The following C1QTNF7 variants were observed in gnomAD, a reference collection of about 807,000 sequenced individuals.
C1QTNF7 encodes the protein complement C1q tumor necrosis factor-related protein 7.
A neutral mutation model predicts 19.6 loss-of-function variants in C1QTNF7; 15 were observed. The ratio of observed to expected loss-of-function variants is 0.76; its 90% CI spans 0.51 to 1.18. The LOEUF (loss-of-function observed/expected upper bound fraction) is 1.18, where lower values mean the gene tolerates loss of function less well. C1QTNF7 is among the 50% of genes most tolerant of loss of function. The pLI is 0.00. For synonymous variants in C1QTNF7, 142 were observed against 137.5 expected (o/e 1.03, Z -0.23); for missense variants, 324 against 359.7 (o/e 0.90, Z 0.80).
intron 1 of C1QTNF7, among the ~76,000 whole-genome samples, chr4:15,343,972 A>T (rs1355040878): frequency 2.0e-5 from 3 of 152,202 alleles, no homozygotes; most frequent in Admixed American, 6.5e-5. Flanking sequence ...GGTCCATGTG[A>T]TTCTCTGTAT....
chr4:15,411,529 CATG>C (rs1423601163), intron 1 of C1QTNF7, among the ~76,000 whole-genome samples: 1 of 152,134 alleles, frequency 6.6e-6, no homozygotes, highest in Non-Finnish European at 1.5e-5. Flanking sequence ...TCTGACAGCC[CATG>C]GTCTCAATGT....
intron 1 of C1QTNF7, chr4:15,358,382 T>A (rs1717220579): frequency 6.6e-6 from 1 of 152,206 alleles, no homozygotes; most frequent in Non-Finnish European, 1.5e-5. Context: ...CATTTATTGA[T>A]TTGCATATGT....
chr4:15,418,414 T>C (rs1050270111), intron 1 of C1QTNF7, among the ~76,000 whole-genome samples: 1 of 152,186 alleles, frequency 6.6e-6, no homozygotes, highest in Non-Finnish European at 1.5e-5. Context: ...CATTTTGTCT[T>C]ATAAGTTCCA....
chr4:15,371,826 A>C (rs979643497), intron 1 of C1QTNF7, among the ~76,000 whole-genome samples: 5 of 152,154 alleles, frequency 3.3e-5, no homozygotes, highest in African/African-American at 1.2e-4. Flanking sequence ...TACAGCTGTC[A>C]ATCTAAGCTC....
chr4:15,381,609 A>T (rs1045770298), intron 1 of C1QTNF7, among the ~76,000 whole-genome samples: 2 of 152,154 alleles, frequency 1.3e-5, no homozygotes, highest in Non-Finnish European at 2.9e-5. Flanking sequence ...GGTTCTTCAT[A>T]TTTAAAATAA....
At chr4:15,398,865 C>T (rs1718882708) in intron 1 of C1QTNF7, among the ~76,000 whole-genome samples, 2 of 152,186 alleles carry the variant, frequency 1.3e-5, no homozygotes, top group Admixed American at 1.3e-4. Flanking sequence ...AAATCAAGTG[C>T]ATGACTCCAC....
intron 1 of C1QTNF7, chr4:15,361,057 G>A (rs1293593054): frequency 6.6e-6 from 1 of 152,064 alleles, no homozygotes; most frequent in Non-Finnish European, 1.5e-5. Flanking sequence ...ATAAGGAAAA[G>A]CAATTCTATT....
At chr4:15,398,449 G>A (rs1423084584) in intron 1 of C1QTNF7, among the ~76,000 whole-genome samples, 1 of 149,436 alleles carries the variant, frequency 6.7e-6, no homozygotes, top group East Asian at 2.0e-4. Flanking sequence ...TACTGTACAA[G>A]CCTTGTCCTC....
intron 1 of C1QTNF7, among the ~76,000 whole-genome samples, chr4:15,344,430 C>T: frequency 6.6e-6 from 1 of 152,144 alleles, no homozygotes; most frequent in South Asian, 2.1e-4. Flanking sequence ...AGTGGAGGTG[C>T]ACATTTGACC....
chr4:15,341,507 G>A (rs1716536466), intron 1 of C1QTNF7, among the ~76,000 whole-genome samples: 1 of 152,220 alleles, frequency 6.6e-6, no homozygotes, highest in African/African-American at 2.4e-5. Context: ...TCATTGCAGA[G>A]TGATCAGGAG....
intron 1 of C1QTNF7, among the ~76,000 whole-genome samples, chr4:15,385,173 C>G (rs1455549641): frequency 6.6e-6 from 1 of 152,178 alleles, no homozygotes; most frequent in African/African-American, 2.4e-5. Flanking sequence ...AAGCGCTCAC[C>G]AAGTACCTGG....
At chr4:15,374,848 G>A (rs1452736491) in intron 1 of C1QTNF7, 2 of 764,176 alleles carry the variant, frequency 2.6e-6, no homozygotes, top group African/African-American at 4.0e-5. Context: ...GGCTCATGTT[G>A]GTGTTTCTCT....
chr4:15,363,788 T>C lies in C1QTNF7; in HGVS notation c.13+23581T>C, dbSNP rs186154488. 3.5e-3 allele frequency among the ~76,000 whole-genome samples: 530 copies of C among 152,294 alleles called. 1 individual carries two copies. Among genetic ancestry groups the C allele is most frequent in the Non-Finnish European group, 5.6e-3 (384 of 68,004 alleles). On this transcript the variant is annotated intron_variant, in intron 1 of 2. Transcript: ENST00000295297. Reference sequence around the variant, plus strand: ...AGCCTGAAATGTGTTAGGCACAAACTAAGACAATATGAAGAAAGAAATGTC... The same window carrying C: ...AGCCTGAAATGTGTTAGGCACAAACCAAGACAATATGAAGAAAGAAATGTC...
At position 15,444,322 on chromosome 4, in the gene C1QTNF7, T is replaced by A. The variant is rs970857348; in HGVS notation, c.*1523T>A. The stretch of plus-strand genomic sequence containing the variant: ...TTTTTTTAATCTTCCCCAATTTAAA[T>A]TTTTTAATTTAAAAGTAAATTTTAC... On this transcript the variant is annotated 3_prime_UTR_variant, in exon 3 of 3. Transcript: ENST00000444304. The A allele has an allele frequency of 4.6e-5, 7 of 152,218 alleles. No individual in the cohort carries two copies. The highest frequency in any genetic ancestry group is 1.7e-4 in the African/African-American group (7 of 41,448). 9.4% of individuals were successfully genotyped at this position (152,218 alleles called of 1,614,324 possible). A position where few individuals can be genotyped will look rare whatever the true frequency, so the allele number is the denominator to read the frequency against.
intron 1 of C1QTNF7, among the ~76,000 whole-genome samples, chr4:15,381,507 AT>A (rs1718142166): frequency 6.6e-6 from 1 of 152,144 alleles, no homozygotes; most frequent in South Asian, 2.1e-4. Flanking sequence ...CCTGAAGTAG[AT>A]AAAATGGGAA....
At chr4:15,396,266 G>A (rs951128042) in intron 1 of C1QTNF7, among the ~76,000 whole-genome samples, 1 of 152,148 alleles carries the variant, frequency 6.6e-6, no homozygotes, top group Non-Finnish European at 1.5e-5. Context: ...AGGTGGGCCT[G>A]AGCCAACCTC....
intron 1 of C1QTNF7, among the ~76,000 whole-genome samples, chr4:15,429,981 A>G (rs1049198065): frequency 5.9e-5 from 9 of 152,184 alleles, no homozygotes; most frequent in African/African-American, 2.2e-4. Context: ...AGGGATCTCA[A>G]TCTATGAACA....
intron 1 of C1QTNF7, among the ~76,000 whole-genome samples, chr4:15,398,407 T>A (rs1718868561): frequency 6.6e-6 from 1 of 152,136 alleles, no homozygotes; most frequent in South Asian, 2.1e-4. Context: ...GTCCCTTTAT[T>A]TACAGCTAAG....
chr4:15,415,952 T>G (rs943913029), intron 1 of C1QTNF7, among the ~76,000 whole-genome samples: 1 of 152,200 alleles, frequency 6.6e-6, no homozygotes. Context: ...ATAGAACAAA[T>G]CATTTATAAC....
Sources: gnomAD v4.1 joint callset for allele counts (sites outside exome capture counted in the v4.1 genomes callset) on GRCh38, gnomAD v4.1.1 for gene constraint, MANE v1.5 for transcripts, NCBI Gene and HGNC (gene_info 2026-07-23, HGNC 2026-07-21) for gene names.